The following KAT2B variants were observed in gnomAD, a reference collection of about 807,000 sequenced individuals.
KAT2B encodes the protein histone acetyltransferase KAT2B.
A neutral mutation model predicts 105.9 loss-of-function variants in KAT2B; 36 were observed. The observed-to-expected ratio is 0.34, with a 90% CI of 0.26 to 0.45. The LOEUF is 0.45. KAT2B is among the 20% of genes least tolerant of loss of function. The pLI is 1.00. For missense variants in KAT2B, 820 were observed against 1,021.6 expected, an observed-to-expected ratio of 0.80 and a Z score of 2.69; for synonymous variants, 397 against 377.9, an observed-to-expected ratio of 1.05 and a Z score of -0.59.
intron 5 of KAT2B, among the ~76,000 whole-genome samples, chr3:20,101,743 A>C (rs990901127): frequency 2.6e-5 from 4 of 152,208 alleles, no homozygotes; most frequent in African/African-American, 9.6e-5. Context: ...GATTTCTATG[A>C]TTGTACCAAA....
intron 7 of KAT2B, among the ~76,000 whole-genome samples, chr3:20,118,142 A>T (rs1215635433): frequency 4.1e-5 from 6 of 148,006 alleles, no homozygotes; most frequent in Non-Finnish European, 8.9e-5. Context: ...ATAAAAAAAA[A>T]TTTAGGAGAA....
intron 1 of KAT2B, among the ~76,000 whole-genome samples, chr3:20,057,856 C>T (rs1384577088): frequency 6.6e-6 from 1 of 152,142 alleles, no homozygotes; most frequent in African/African-American, 2.4e-5. Flanking sequence ...CCAGACCTTT[C>T]AGTCAGCGGG....
intron 2 of KAT2B, among the ~76,000 whole-genome samples, chr3:20,075,564 G>A (rs1170083094): frequency 6.6e-6 from 1 of 152,078 alleles, no homozygotes; most frequent in Admixed American, 6.6e-5. Flanking sequence ...TATAAATCAG[G>A]GTTCCCATCA....
intron 12 of KAT2B, 22 bp from the exon 13 acceptor site, chr3:20,140,199 A>T: frequency 6.7e-7 from 1 of 1,498,910 alleles, no homozygotes; most frequent in Non-Finnish European, 9.3e-7. Context: ...TGTTCATATG[A>T]ATGAATTTAC....
intron 2 of KAT2B, among the ~76,000 whole-genome samples, chr3:20,084,847 G>A (rs1698585624): frequency 6.6e-6 from 1 of 152,126 alleles, no homozygotes; most frequent in Admixed American, 6.6e-5. Context: ...TTCTAATTCT[G>A]ATTAGTAATT....
intron 5 of KAT2B, among the ~76,000 whole-genome samples, chr3:20,109,310 A>C (rs1286379857): frequency 6.6e-6 from 1 of 151,716 alleles, no homozygotes; most frequent in African/African-American, 2.4e-5. Flanking sequence ...AGATAGATAG[A>C]TAGATAGATA....
At chr3:20,137,135 C>T in intron 12 of KAT2B, 83 bp downstream of exon 12, 2 of 720,408 alleles carry the variant, frequency 2.8e-6, no homozygotes, top group South Asian at 1.7e-5. Context: ...ATAAGTTTCT[C>T]CCCCAGTGTT....
chr3:20,122,881 G>A (rs975454730), intron 9 of KAT2B, 77 bp downstream of exon 9: 2 of 1,520,510 alleles, frequency 1.3e-6, no homozygotes, highest in Non-Finnish European at 1.8e-6. Flanking sequence ...CAGAAGTGGG[G>A]ATGCTAATGC....
chr3:20,099,052 G>A (rs1698861400), intron 3 of KAT2B, among the ~76,000 whole-genome samples: 1 of 152,184 alleles, frequency 6.6e-6, no homozygotes, highest in Admixed American at 6.5e-5. Context: ...AGTTACAGAA[G>A]ATTCAAGCAA....
At chr3:20,140,169 A>G (rs957796798) in intron 12 of KAT2B, 52 bp from the exon 13 acceptor site, 1 of 1,143,308 alleles carries the variant, frequency 8.7e-7, no homozygotes, top group African/African-American at 1.5e-5. Context: ...GTTAGCACTC[A>G]GTAGATATTT....
At chr3:20,127,637 C>T (rs1448772053) in intron 11 of KAT2B, 88 bp downstream of exon 11, 1 of 1,279,290 alleles carries the variant, frequency 7.8e-7, no homozygotes, top group Non-Finnish European at 1.1e-6. Context: ...CTCTCTGTGC[C>T]ATGTCCAGAG....
Position 20,040,787 on chromosome 3 carries a change from G to A in KAT2B, c.303+7G>A. The A allele has an allele frequency of 6.3e-7, 1 of 1,584,342 alleles. No individual in the cohort carries two copies. Among genetic ancestry groups the A allele is most frequent in the African/African-American group, 1.4e-5 (1 of 72,648 alleles). The stretch of plus-strand genomic sequence containing the variant: ...AGTGTACTCCGCCTGCAAGGTACGC[G>A]CTCGCCGCTCTCGGACCGCGGATGG... On this transcript the variant is annotated splice_region_variant and intron_variant, in intron 1 of 17. Transcript: ENST00000263754.
In KAT2B at chr3:20,102,401, T is replaced by C. The variant is rs894408917; in HGVS notation, c.851+933T>C. The stretch of plus-strand genomic sequence containing the variant: ...ATATTATCTTCCAGGTTTTGTCCTT[T>C]TAAATAACATTTTACATTAGTTATA... On this transcript the variant is annotated intron_variant, in intron 5 of 17. Transcript: ENST00000263754. Among the ~76,000 whole-genome samples, 44 of 152,318 alleles carry C rather than the reference T, an allele frequency of 2.9e-4. 1 individual carries two copies. Among genetic ancestry groups the C allele is most frequent in the Middle Eastern group, 3.4e-3 (1 of 294 alleles).
At chr3:20,109,327 A>G (rs951496220) in intron 5 of KAT2B, among the ~76,000 whole-genome samples, 3 of 144,682 alleles carry the variant, frequency 2.1e-5, no homozygotes, top group African/African-American at 7.5e-5. Flanking sequence ...GATAGATAGC[A>G]TGTCAGTGTC....
At chr3:20,151,443 G>GT (rs57662568) in intron 17 of KAT2B, among the ~76,000 whole-genome samples, 6,046 of 149,558 alleles carry the variant, frequency 0.04, 204 homozygotes, top group East Asian at 0.15. Flanking sequence ...CAGAAGTGGG[G>GT]TTTTTTTTTT....
intron 2 of KAT2B, among the ~76,000 whole-genome samples, chr3:20,092,584 C>T (rs1698741494): frequency 1.3e-5 from 2 of 151,476 alleles, no homozygotes. Context: ...TATATATTTA[C>T]AGCAAACATT....
chr3:20,130,837 A>G (rs993712266), intron 11 of KAT2B, among the ~76,000 whole-genome samples: 1 of 146,950 alleles, frequency 6.8e-6, no homozygotes, highest in Admixed American at 6.9e-5. Flanking sequence ...TCAAAACAAA[A>G]TAGAATGGAT....
intron 1 of KAT2B, among the ~76,000 whole-genome samples, chr3:20,062,291 T>C (rs1382278149): frequency 1.8e-5 from 1 of 56,962 alleles, no homozygotes; most frequent in Admixed American, 2.4e-4. Context: ...AAATATAATA[T>C]ATAATATATA....
Position 20,152,689 on chromosome 3 carries a change from T to C in KAT2B, c.*164T>C, listed in dbSNP as rs1012225738. ...AAACCTCCTTTTAGCTTTTCAGATA[T>C]GTATTTAAATTGAAGTCATAGGACA... On this transcript the variant is annotated 3_prime_UTR_variant, in exon 18 of 18. Transcript: ENST00000263754. 9.7e-6 allele frequency: 5 copies of C among 516,482 alleles called. No individual in the cohort carries two copies. The highest frequency in any genetic ancestry group is 1.7e-5 in the Non-Finnish European group (5 of 291,840). 32.0% of individuals were successfully genotyped at this position (516,482 alleles called of 1,614,324 possible).
Sources: allele counts gnomAD v4.1 joint callset (sites outside exome capture counted in the v4.1 genomes callset), GRCh38; gene constraint gnomAD v4.1.1; transcripts MANE v1.5; gene names NCBI Gene and HGNC (gene_info 2026-07-23, HGNC 2026-07-21).